HS3ST5: variants seen among roughly 807,000 people sequenced by gnomAD.
HS3ST5 encodes the protein heparan sulfate glucosamine 3-O-sulfotransferase 5.
HS3ST5 carries 10 observed loss-of-function variants against 25.4 expected under a neutral mutation model. The observed-to-expected ratio is 0.39, with a 90% CI of 0.24 to 0.67. HS3ST5 has a LOEUF of 0.67. HS3ST5 is among the 30% of genes least tolerant of loss of function. The pLI is 0.44. For missense variants in HS3ST5, 324 were observed against 420.7 expected, an observed-to-expected ratio of 0.77 and a Z score of 2.01; for synonymous variants, 170 against 162.4, an observed-to-expected ratio of 1.05 and a Z score of -0.36.
intron 1 of HS3ST5, among the ~76,000 whole-genome samples, chr6:114,297,711 C>T (rs1010817455): frequency 3.9e-5 from 6 of 152,092 alleles, no homozygotes; most frequent in Non-Finnish European, 7.4e-5. Context: ...CGCTTTCCTT[C>T]AAGGAGCAAC....
chr6:114,143,983 C>T (rs1464789733), intron 3 of HS3ST5: 1 of 152,258 alleles, frequency 6.6e-6, no homozygotes, highest in East Asian at 1.9e-4. Context: ...AGTCCTACTT[C>T]TTGTATATTA....
chr6:114,134,739 T>C (rs140506954), intron 3 of HS3ST5, among the ~76,000 whole-genome samples: 20 of 152,338 alleles, frequency 1.3e-4, no homozygotes, highest in Admixed American at 7.2e-4. Flanking sequence ...CCTTCTATGC[T>C]GGGACTGCCA....
chr6:114,089,699 G>T (rs1775024283), intron 3 of HS3ST5, among the ~76,000 whole-genome samples: 1 of 152,136 alleles, frequency 6.6e-6, no homozygotes, highest in Non-Finnish European at 1.5e-5. Flanking sequence ...TTGCTTCTCT[G>T]ATTGCTTCTC....
In HS3ST5 at chr6:114,081,500, A is replaced by G. The variant is rs531163604; in HGVS notation, c.-32-18623T>C. ...AATGAAAGAGGTGTCAAATAATTTG[A>G]AACTTACAGTTGTTAATAGTCTTAC... On this transcript the variant is annotated intron_variant, in intron 3 of 4. Transcript: ENST00000312719. 4.6e-5 allele frequency among the ~76,000 whole-genome samples: 7 copies of G among 152,370 alleles called. No individual in the cohort carries two copies. The South Asian group carries it at 1.4e-3, about 32-fold the overall frequency.
intron 4 of HS3ST5, among the ~76,000 whole-genome samples, chr6:114,061,956 A>AT (rs945284311): frequency 1.3e-5 from 2 of 151,780 alleles, no homozygotes; most frequent in Admixed American, 6.6e-5. Flanking sequence ...CAAAAAAAAA[A>AT]TTTTTTTTTA....
chr6:114,192,840 C>T (rs987221826), intron 2 of HS3ST5, among the ~76,000 whole-genome samples: 1 of 152,140 alleles, frequency 6.6e-6, no homozygotes, highest in Non-Finnish European at 1.5e-5. Flanking sequence ...TAGACTACCA[C>T]AGTTTCTCTG....
chr6:114,221,028 TC>T (rs757102112), intron 2 of HS3ST5, among the ~76,000 whole-genome samples: 2 of 152,042 alleles, frequency 1.3e-5, no homozygotes, highest in Non-Finnish European at 2.9e-5. Flanking sequence ...AGAATAGGTT[TC>T]CTTTCCAACT....
chr6:114,127,509 C>G (rs1777100366), intron 3 of HS3ST5, among the ~76,000 whole-genome samples: 1 of 151,968 alleles, frequency 6.6e-6, no homozygotes, highest in Non-Finnish European at 1.5e-5. Flanking sequence ...AAAGAATACA[C>G]ACATATTTAA....
chr6:114,082,342 T>C (rs1321391724), intron 3 of HS3ST5, among the ~76,000 whole-genome samples: 1 of 152,200 alleles, frequency 6.6e-6, no homozygotes, highest in Non-Finnish European at 1.5e-5. Context: ...GTTACTAAAA[T>C]TTTCTCCTCA....
chr6:114,232,798 C>T (rs560714446), intron 1 of HS3ST5, among the ~76,000 whole-genome samples: 19 of 152,292 alleles, frequency 1.2e-4, no homozygotes, highest in Admixed American at 1.1e-3. Context: ...CACTACTTTT[C>T]TCTGTGTATC....
At chr6:114,311,039 T>C (rs1001052105) in intron 1 of HS3ST5, among the ~76,000 whole-genome samples, 17 of 152,152 alleles carry the variant, frequency 1.1e-4, no homozygotes, top group African/African-American at 3.6e-4. Context: ...ACTACCAATT[T>C]TATTCATTGA....
intron 1 of HS3ST5, among the ~76,000 whole-genome samples, chr6:114,302,427 A>G (rs1775116112): frequency 6.6e-6 from 1 of 152,202 alleles, no homozygotes; most frequent in African/African-American, 2.4e-5. Flanking sequence ...CACCATGGCT[A>G]TATCCAAGCA....
intron 1 of HS3ST5, among the ~76,000 whole-genome samples, chr6:114,320,181 A>T (rs1775907716): frequency 6.6e-6 from 1 of 152,128 alleles, no homozygotes; most frequent in Non-Finnish European, 1.5e-5. Flanking sequence ...ACAATTAGAC[A>T]GGGTGTATTT....
chr6:114,141,460 A>G (rs904194822), intron 3 of HS3ST5, among the ~76,000 whole-genome samples: 1 of 152,210 alleles, frequency 6.6e-6, no homozygotes, highest in African/African-American at 2.4e-5. Flanking sequence ...AAAAAGTTCC[A>G]TAAGGGGAGA....
chr6:114,276,622 A>AC (rs397820873), intron 1 of HS3ST5, among the ~76,000 whole-genome samples: 11 of 144,610 alleles, frequency 7.6e-5, no homozygotes, highest in Admixed American at 1.8e-4. Flanking sequence ...AAAAAAAAAA[A>AC]CAAAAAAACA....
intron 3 of HS3ST5, among the ~76,000 whole-genome samples, chr6:114,097,339 G>A (rs954168654): frequency 5.3e-5 from 8 of 151,696 alleles, no homozygotes; most frequent in Middle Eastern, 3.5e-3. Flanking sequence ...AACTTATTAG[G>A]GTATATTTCA....
chr6:114,244,039 G>GACAGAGGAGCTCCAACAGGTC (rs1421941758), intron 1 of HS3ST5, among the ~76,000 whole-genome samples: 10 of 152,210 alleles, frequency 6.6e-5, no homozygotes, highest in African/African-American at 2.4e-4. Flanking sequence ...CTCCAACAGG[G>GACAGAGGAGCTCCAACAGGTC]ACAGAGGAGT....
chr6:114,265,490 G>C (rs902745766), intron 1 of HS3ST5, among the ~76,000 whole-genome samples: 4 of 152,116 alleles, frequency 2.6e-5, no homozygotes, highest in African/African-American at 9.7e-5. Context: ...TGGAGGGAGA[G>C]CCTGGGTCAA....
At chr6:114,229,486 C>T (rs1246958892) in intron 1 of HS3ST5, among the ~76,000 whole-genome samples, 1 of 152,210 alleles carries the variant, frequency 6.6e-6, no homozygotes, top group African/African-American at 2.4e-5. Context: ...CACATGCAAA[C>T]CCAGAGTACA....
Sources: gnomAD v4.1 joint callset for allele counts (sites outside exome capture counted in the v4.1 genomes callset) on GRCh38, gnomAD v4.1.1 for gene constraint, MANE v1.5 for transcripts, NCBI Gene and HGNC (gene_info 2026-07-23, HGNC 2026-07-21) for gene names.